FOCAD: variants seen among roughly 807,000 people sequenced by gnomAD.
The protein encoded by FOCAD is KIAA1797.
A neutral mutation model predicts 225.6 loss-of-function variants in FOCAD; 198 were observed. The ratio of observed to expected loss-of-function variants is 0.88; its 90% confidence interval spans 0.78 to 0.99. The LOEUF is 0.99. Ranked by LOEUF, FOCAD falls within the 50% of genes least tolerant of loss-of-function variation. The pLI is 0.00. For missense variants in FOCAD, 2,713 were observed against 2,123.6 expected (o/e 1.28, Z -5.46); for synonymous variants, 897 against 755.0 (o/e 1.19, Z -3.08).
intron 6 of FOCAD, among the ~76,000 whole-genome samples, chr9:20,763,175 CTT>C (rs1023189435): frequency 8.5e-5 from 13 of 152,254 alleles, no homozygotes; most frequent in Non-Finnish European, 1.8e-4. Flanking sequence ...TACTCTGTAA[CTT>C]AGTGTAACTG....
At chr9:20,797,714 TGAA>T (rs1821285026) in intron 11 of FOCAD, among the ~76,000 whole-genome samples, 1 of 152,208 alleles carries the variant, frequency 6.6e-6, no homozygotes, top group South Asian at 2.1e-4. Context: ...GAGACTTTGC[TGAA>T]GTTGCTTATC....
chr9:20,905,618 A>G (rs1171070170), intron 21 of FOCAD, among the ~76,000 whole-genome samples: 2 of 152,044 alleles, frequency 1.3e-5, no homozygotes, highest in Non-Finnish European at 1.5e-5. Flanking sequence ...GATAATTAAT[A>G]TATTTTATGA....
At chr9:20,861,401 T>TGTAAATGTG (rs1490617037) in intron 15 of FOCAD, among the ~76,000 whole-genome samples, 1 of 152,210 alleles carries the variant, frequency 6.6e-6, no homozygotes, top group African/African-American at 2.4e-5. Flanking sequence ...TACTTCTTTG[T>TGTAAATGTG]GTAAATGTGC....
At chr9:20,718,639 A>C (rs972875180) in intron 3 of FOCAD, among the ~76,000 whole-genome samples, 2 of 152,094 alleles carry the variant, frequency 1.3e-5, no homozygotes, top group African/African-American at 4.8e-5. Context: ...ACTAATTGGC[A>C]TTTTTCTGGT....
intron 1 of FOCAD, among the ~76,000 whole-genome samples, chr9:20,707,977 A>G (rs1329108559): frequency 6.6e-6 from 1 of 152,248 alleles, no homozygotes; most frequent in Admixed American, 6.5e-5. Flanking sequence ...GAAGCAGTAG[A>G]TGAGAAGCTA....
At chr9:20,742,408 A>T (rs1827705437) in intron 5 of FOCAD, among the ~76,000 whole-genome samples, 1 of 151,604 alleles carries the variant, frequency 6.6e-6, no homozygotes, top group African/African-American at 2.4e-5. Context: ...TGTGGGCTCA[A>T]GATTCTTGTC....
chr9:20,691,804 C>A (rs1822996843), intron 1 of FOCAD, among the ~76,000 whole-genome samples: 1 of 151,568 alleles, frequency 6.6e-6, no homozygotes, highest in Non-Finnish European at 1.5e-5. Flanking sequence ...GATGGAGTCT[C>A]CCTCTGTCAC....
intron 24 of FOCAD, among the ~76,000 whole-genome samples, chr9:20,919,858 C>T (rs1293379850): frequency 3.3e-5 from 5 of 151,756 alleles, no homozygotes; most frequent in Non-Finnish European, 5.9e-5. Context: ...CCATAAAAAC[C>T]CTAGAAGAAA....
intron 11 of FOCAD, among the ~76,000 whole-genome samples, chr9:20,797,335 T>C (rs1276222811): frequency 1.3e-5 from 2 of 152,178 alleles, no homozygotes; most frequent in African/African-American, 4.8e-5. Flanking sequence ...TTAAAGTAGT[T>C]TTTTCCAATT....
upstream of FOCAD, among the ~76,000 whole-genome samples, chr9:20,656,806 T>A (rs1010953310): frequency 6.6e-6 from 1 of 152,190 alleles, no homozygotes; most frequent in Admixed American, 6.5e-5. Context: ...ATGTGTGAAT[T>A]TGATCCTGTC....
chr9:20,789,677 G>A, intron 11 of FOCAD, 69 bp downstream of exon 11: 3 of 1,560,692 alleles, frequency 1.9e-6, no homozygotes, highest in Non-Finnish European at 2.6e-6. Flanking sequence ...GATTATTCCT[G>A]CTTTGTGGAT....
intron 28 of FOCAD, among the ~76,000 whole-genome samples, chr9:20,943,387 A>C (rs1299333172): frequency 6.6e-6 from 1 of 152,198 alleles, no homozygotes; most frequent in Non-Finnish European, 1.5e-5. Flanking sequence ...TACGTATTCC[A>C]TCATGGCACC....
intron 40 of FOCAD, among the ~76,000 whole-genome samples, chr9:20,986,834 C>A (rs1841213467): frequency 6.6e-6 from 1 of 152,024 alleles, no homozygotes; most frequent in South Asian, 2.1e-4. Flanking sequence ...ATTTAACAAA[C>A]AAGAGAAAAC....
intron 35 of FOCAD, among the ~76,000 whole-genome samples, chr9:20,960,229 G>T (rs900975331): frequency 2.0e-5 from 3 of 152,140 alleles, no homozygotes; most frequent in African/African-American, 7.2e-5. Flanking sequence ...ATTTGGGTTT[G>T]CCTGATATTT....
intron 15 of FOCAD, among the ~76,000 whole-genome samples, chr9:20,848,132 A>G (rs923799972): frequency 2.0e-5 from 3 of 151,756 alleles, no homozygotes; most frequent in African/African-American, 7.3e-5. Flanking sequence ...TTTACATGGT[A>G]TGGAATCCTT....
Position 20,795,959 on chromosome 9 carries a change from C to T in FOCAD, c.1455+6351C>T, listed in dbSNP as rs183171231. 1.8e-3 allele frequency among the ~76,000 whole-genome samples: 265 copies of T among 150,362 alleles called. 3 individuals are homozygous for T. The East Asian group carries it at 0.044, about 25-fold the overall frequency. On this transcript the variant is annotated intron_variant, in intron 11 of 43. Coordinates refer to ENST00000338382, the MANE Select transcript of FOCAD (RefSeq NM_001375567.1). The stretch of plus-strand genomic sequence containing the variant: ...AGGTATATCTCCTAATGCTATCCCT[C>T]CCCCCTGCCCCCACCCCACAACAGG...
At chr9:20,956,031 A>T (rs1225330242) in intron 35 of FOCAD, among the ~76,000 whole-genome samples, 1 of 152,236 alleles carries the variant, frequency 6.6e-6, no homozygotes, top group African/African-American at 2.4e-5. Context: ...TAACTAAGCA[A>T]AGTATATTTA....
At chr9:20,787,666 G>A (rs1164940862) in intron 10 of FOCAD, among the ~76,000 whole-genome samples, 1 of 152,062 alleles carries the variant, frequency 6.6e-6, no homozygotes, top group Admixed American at 6.6e-5. Context: ...AATGAATGCA[G>A]CCTTCTTGCC....
upstream of FOCAD, among the ~76,000 whole-genome samples, chr9:20,681,001 C>A (rs970824233): frequency 6.6e-6 from 1 of 152,000 alleles, no homozygotes; most frequent in East Asian, 1.9e-4. Context: ...CTGCCTCAAA[C>A]CAAAACAAAG....
Sources: gnomAD v4.1 joint callset for allele counts (sites outside exome capture counted in the v4.1 genomes callset) on GRCh38, gnomAD v4.1.1 for gene constraint, MANE v1.5 for transcripts, NCBI Gene and HGNC (gene_info 2026-07-23, HGNC 2026-07-21) for gene names.